The following IFT140 variants were observed in gnomAD, a reference collection of about 807,000 sequenced individuals.
The protein encoded by IFT140 is intraflagellar transport protein 140 homolog.
Under a neutral mutation model 164.6 loss-of-function variants are expected in IFT140, and 133 were observed. The observed-to-expected ratio is 0.81, with a 90% CI of 0.70 to 0.93. IFT140 has a LOEUF of 0.93. Ranked by LOEUF, IFT140 falls within the 40% of genes least tolerant of loss-of-function variation. IFT140 has a pLI of 0.00. For synonymous variants in IFT140, 860 were observed against 817.3 expected (o/e 1.05, Z -0.89); for missense variants, 2,045 against 1,972.3 (o/e 1.04, Z -0.70).
In IFT140 at chr16:1,522,911, C is replaced by T. The variant is rs368752675; in HGVS notation, c.3453+607G>A. Among the ~76,000 whole-genome samples, 12 of 152,216 alleles carry T rather than the reference C, an allele frequency of 7.9e-5. No individual in the cohort carries two copies. The East Asian group carries it at 9.7e-4, about 12-fold the overall frequency. On this transcript the variant is annotated intron_variant, in intron 26 of 30. Transcript: ENST00000426508. ...TAAGCATTTTATATTTGGGAACCAC[C>T]CATATTTCCATTTGAATAAACTGTT...
chr16:1,572,808 C>G (rs1261379296), intron 13 of IFT140, among the ~76,000 whole-genome samples: 1 of 152,242 alleles, frequency 6.6e-6, no homozygotes, highest in Non-Finnish European at 1.5e-5. Flanking sequence ...CAGTGAATGC[C>G]TACACCCTGC....
intron 19 of IFT140, among the ~76,000 whole-genome samples, chr16:1,545,278 A>G (rs1431412151): frequency 6.6e-6 from 1 of 151,532 alleles, no homozygotes; most frequent in Non-Finnish European, 1.5e-5. Context: ...CAACCGCCAG[A>G]ACGGCAGGCA....
chr16:1,530,544 C>T (rs1462215764), intron 19 of IFT140, among the ~76,000 whole-genome samples: 2 of 151,650 alleles, frequency 1.3e-5, no homozygotes, highest in Non-Finnish European at 1.5e-5. Context: ...GGCTCCTTTC[C>T]TCTCCCTTGT....
Position 1,587,500 on chromosome 16 carries a change from C to G in IFT140, c.903-196G>C, listed in dbSNP as rs907786162. ...GTTTCTAATGAAAGAAAGCCGTTGC[C>G]GATAGATGGTGGTTTGTATATGGCA... On this transcript the variant is annotated intron_variant, in intron 8 of 30. Transcript: ENST00000426508. Among the ~76,000 whole-genome samples, 4 of 152,302 alleles carry G rather than the reference C, an allele frequency of 2.6e-5. No homozygotes were observed. The South Asian group carries it at 6.2e-4, about 24-fold the overall frequency.
chr16:1,544,869 C>G (rs1017542854), intron 19 of IFT140, among the ~76,000 whole-genome samples: 2 of 151,810 alleles, frequency 1.3e-5, no homozygotes, highest in Admixed American at 1.3e-4. Flanking sequence ...AGGATGGTCT[C>G]GATCTCCTGA....
intron 13 of IFT140, among the ~76,000 whole-genome samples, chr16:1,573,708 T>TCCA (rs1324667093): frequency 2.6e-5 from 4 of 152,106 alleles, no homozygotes; most frequent in Admixed American, 6.5e-5. Context: ...ACAGTGCCCC[T>TCCA]CCACTCCAGC....
intron 12 of IFT140, among the ~76,000 whole-genome samples, chr16:1,581,557 A>G (rs1306285650): frequency 2.0e-5 from 3 of 150,996 alleles, no homozygotes; most frequent in African/African-American, 7.4e-5. Context: ...CCGCCATCAC[A>G]CCACTGCACT....
At chr16:1,523,400 G>T (rs1410309405) in intron 26 of IFT140, 118 bp downstream of exon 26, 1 of 1,111,572 alleles carries the variant, frequency 9.0e-7, no homozygotes, top group Non-Finnish European at 1.3e-6. Context: ...GGCACCCACC[G>T]CAGCCTTCCT....
In IFT140 at chr16:1,571,597, A is replaced by G. The variant is rs2034017405; in HGVS notation, c.1525-63T>C. 12 of 1,499,696 alleles carry G rather than the reference A, an allele frequency of 8.0e-6. No individual in the cohort carries two copies. The South Asian group carries it at 1.3e-4, about 16-fold the overall frequency. The allele number at this position is 1,499,696 out of a possible 1,614,324, so 92.9% of individuals were successfully genotyped here. A position where few individuals can be genotyped will look rare whatever the true frequency, so the allele number is the denominator to read the frequency against. ...TAGTTACTGAACATTGTTCACAGATAACCTTGTACACACAAGAAATGGATA... is the reference window on the plus strand; with the variant it reads ...TAGTTACTGAACATTGTTCACAGATGACCTTGTACACACAAGAAATGGATA... On this transcript the variant is annotated intron_variant, in intron 13 of 30. Transcript: ENST00000426508.
intron 19 of IFT140, among the ~76,000 whole-genome samples, chr16:1,528,356 CGTGTGCACACACACGCATGCACGCACGT>C (rs1233821881): frequency 7.6e-6 from 1 of 132,004 alleles, no homozygotes; most frequent in Non-Finnish European, 1.7e-5. Context: ...CATGCACGCA[CGTGTGCACACACACGCATGCACGCACGT>C]GTGCACACAC....
At chr16:1,524,341 GAC>G in intron 24 of IFT140, 1 of 672,630 alleles carries the variant, frequency 1.5e-6, no homozygotes, top group Non-Finnish European at 2.4e-6. Flanking sequence ...AACATCTGGG[GAC>G]AATTCAGTGC....
chr16:1,597,227 C>A lies in IFT140; in HGVS notation c.370-4639G>T, dbSNP rs566014849. Among the ~76,000 whole-genome samples the A allele has an allele frequency of 2.1e-4, 32 of 152,304 alleles. No homozygotes were observed. In the South Asian group the frequency reaches 5.8e-3, roughly 28 times the overall value. ...TCCCCAGAAGGCGTGAGTGGCCTGG[C>A]CCGTCTAACGTGCTCTCCTCTTCTC... On this transcript the variant is annotated intron_variant, in intron 4 of 30. Transcript: ENST00000426508.
At position 1,566,275 on chromosome 16, in the gene IFT140, T is replaced by G; in HGVS notation, c.1787A>C (p.Asp596Ala). ...AACATCGTAGAAGCAGATTTTGGAA[T>G]CAGGGCTGTTGTCAGCCTAGGAGAA... is the stretch of plus-strand genomic sequence containing the variant. The part of the protein sequence containing the change: ...ILPSKADNSP[D>A]SKICFYDVEM... The change falls in exon 16 of 31, where the codon GAT becomes GCT. Residue 596 changes from aspartate to alanine, a missense_variant. Physicochemically the swap from Asp to Ala is moderately radical, Grantham distance 126. Coordinates refer to ENST00000426508, the MANE Select transcript of IFT140 (RefSeq NM_014714.4). 6.2e-7 allele frequency: 1 copy of G among 1,613,592 alleles called. No homozygotes were observed.
intron 19 of IFT140, chr16:1,557,734 C>A: frequency 1.7e-6 from 1 of 598,880 alleles, no homozygotes; most frequent in Non-Finnish European, 2.9e-6. Context: ...AGGCTCCCAG[C>A]ACCAGAGAGG....
intron 2 of IFT140, among the ~76,000 whole-genome samples, chr16:1,607,949 A>G (rs2036157435): frequency 6.6e-6 from 1 of 152,242 alleles, no homozygotes; most frequent in African/African-American, 2.4e-5. Context: ...CCTTTTAAAC[A>G]ACATTTTCAA....
At chr16:1,588,062 G>C in intron 7 of IFT140, 38 bp from the exon 8 acceptor site, 1 of 1,578,898 alleles carries the variant, frequency 6.3e-7, no homozygotes, top group South Asian at 1.1e-5. Flanking sequence ...CACCGTGCTT[G>C]CTGAGACGGC....
At chr16:1,584,167 G>A in intron 11 of IFT140, 50 bp downstream of exon 11, 1 of 1,539,544 alleles carries the variant, frequency 6.5e-7, no homozygotes, top group Non-Finnish European at 8.9e-7. Flanking sequence ...ACCTGGCCAT[G>A]GGGCAGTTCT....
chr16:1,600,385 C>T (rs1374677994), intron 4 of IFT140, among the ~76,000 whole-genome samples: 1 of 144,674 alleles, frequency 6.9e-6, no homozygotes, highest in Non-Finnish European at 1.5e-5. Context: ...GCTGACCTTC[C>T]CTCCACTATT....
chr16:1,544,327 G>A (rs941984859), intron 19 of IFT140, among the ~76,000 whole-genome samples: 1 of 152,022 alleles, frequency 6.6e-6, no homozygotes, highest in African/African-American at 2.4e-5. Flanking sequence ...GGGACTACAG[G>A]CGCCCGCCAC....
Sources: allele counts gnomAD v4.1 joint callset (sites outside exome capture counted in the v4.1 genomes callset), GRCh38; gene constraint gnomAD v4.1.1; transcripts MANE v1.5; gene names NCBI Gene and HGNC (gene_info 2026-07-23, HGNC 2026-07-21).